CCSER1: variants seen among roughly 807,000 people sequenced by gnomAD.
CCSER1 encodes the protein coiled-coil serine rich protein 1.
A neutral mutation model predicts 82.0 loss-of-function variants in CCSER1; 41 were observed. The ratio of observed to expected loss-of-function variants is 0.50; its 90% confidence interval spans 0.39 to 0.65. The LOEUF (loss-of-function observed/expected upper bound fraction) is 0.65, where lower values mean the gene tolerates loss of function less well. CCSER1 is among the 30% of genes least tolerant of loss of function. The pLI, the probability that CCSER1 is intolerant of heterozygous loss-of-function variation, is 0.00. For missense variants in CCSER1, 1,119 were observed against 1,064.2 expected, an observed-to-expected ratio of 1.05 and a Z score of -0.72; for synonymous variants, 414 against 383.9, an observed-to-expected ratio of 1.08 and a Z score of -0.92.
At chr4:90,131,954 A>T (rs927887373) in intron 1 of CCSER1, among the ~76,000 whole-genome samples, 1 of 152,222 alleles carries the variant, frequency 6.6e-6, no homozygotes, top group African/African-American at 2.4e-5. Context: ...GAGCCTGTAC[A>T]TTCAATATGA....
intron 7 of CCSER1, among the ~76,000 whole-genome samples, chr4:90,769,324 G>A (rs770387340): frequency 6.6e-6 from 1 of 152,038 alleles, no homozygotes; most frequent in Non-Finnish European, 1.5e-5. Context: ...AACAAAGTGG[G>A]GAACAGAGAC....
intron 5 of CCSER1, among the ~76,000 whole-genome samples, chr4:90,577,587 G>A (rs1780909404): frequency 1.3e-5 from 2 of 151,996 alleles, no homozygotes; most frequent in Non-Finnish European, 2.9e-5. Flanking sequence ...AAAAAGAGTT[G>A]TTTATTTTTT....
chr4:90,171,996 G>A (rs1171230668), intron 1 of CCSER1, among the ~76,000 whole-genome samples: 1 of 151,842 alleles, frequency 6.6e-6, no homozygotes, highest in African/African-American at 2.4e-5. Context: ...ATAACACAGG[G>A]AAAGAAATTG....
At chr4:91,165,467 TCAGA>T (rs1387326870) in intron 10 of CCSER1, among the ~76,000 whole-genome samples, 1 of 152,182 alleles carries the variant, frequency 6.6e-6, no homozygotes, top group African/African-American at 2.4e-5. Context: ...TTCAGAACTG[TCAGA>T]CAGGGACGTT....
chr4:90,839,002 T>C, intron 8 of CCSER1: 1 of 1,612,756 alleles, frequency 6.2e-7, no homozygotes, highest in Non-Finnish European at 8.5e-7. Flanking sequence ...GCTTATCGAA[T>C]TTCTCGATCT....
rs180744603 is a variant in CCSER1, at chr4:90,134,417, G to A, written c.-42+6586G>A. 4.6e-5 allele frequency among the ~76,000 whole-genome samples: 7 copies of A among 152,232 alleles called. No homozygotes were observed. The East Asian group carries it at 1.4e-3, about 29-fold the overall frequency. ...TGGAGATGGAGGACCTGCAAGGCTG[G>A]TACTCCCATCTTCTTATTGCTATTT... On this transcript the variant is annotated intron_variant, in intron 1 of 10. Coordinates refer to ENST00000509176, the MANE Select transcript of CCSER1 (RefSeq NM_001145065.2).
rs1444861942 is a variant in CCSER1 at position 91,100,201 on chromosome 4, T to A, written c.2217+14207T>A. Among the ~76,000 whole-genome samples the A allele has an allele frequency of 2.1e-5, 3 of 142,290 alleles. No homozygotes were observed. The East Asian group carries it at 6.4e-4, about 30-fold the overall frequency. 93.3% of individuals were successfully genotyped at this position (142,290 alleles called of 152,430 possible). A position where few individuals can be genotyped will look rare whatever the true frequency, so the allele number is the denominator to read the frequency against. ...GAATTTGGGCAAGATAAAAAAAAAA[T>A]CAGTTTGGTCCTCATTATAAATCAA... is the stretch of plus-strand genomic sequence containing the variant. On this transcript the variant is annotated intron_variant, in intron 10 of 10. Coordinates refer to ENST00000509176, the MANE Select transcript of CCSER1 (RefSeq NM_001145065.2).
intron 3 of CCSER1, among the ~76,000 whole-genome samples, chr4:90,338,677 G>A (rs1001341328): frequency 7.2e-5 from 11 of 152,144 alleles, no homozygotes; most frequent in Non-Finnish European, 1.3e-4. Context: ...AAAAAATAAT[G>A]AAAATTTGTT....
intron 10 of CCSER1, among the ~76,000 whole-genome samples, chr4:91,552,579 T>C (rs544046150): frequency 4.0e-5 from 6 of 151,686 alleles, no homozygotes; most frequent in Admixed American, 1.3e-4. Context: ...GCCTTATATA[T>C]GACAAAAGGA....
At chr4:90,132,221 C>G (rs1323265810) in intron 1 of CCSER1, among the ~76,000 whole-genome samples, 1 of 152,086 alleles carries the variant, frequency 6.6e-6, no homozygotes, top group African/African-American at 2.4e-5. Flanking sequence ...TAATTGGTAC[C>G]TTTTGAATTT....
At chr4:91,172,199 A>G (rs1186697383) in intron 10 of CCSER1, among the ~76,000 whole-genome samples, 1 of 152,210 alleles carries the variant, frequency 6.6e-6, no homozygotes, top group Non-Finnish European at 1.5e-5. Context: ...AGAACTCTAG[A>G]TTCTATCATC....
At chr4:91,086,319 C>G (rs1469433821) in intron 10 of CCSER1, among the ~76,000 whole-genome samples, 1 of 152,058 alleles carries the variant, frequency 6.6e-6, no homozygotes, top group Non-Finnish European at 1.5e-5. Flanking sequence ...ATTTTTAAAA[C>G]TGACTTACTG....
Position 90,564,716 on chromosome 4 carries a change from G to A in CCSER1, c.1725-63309G>A, listed in dbSNP as rs72887409. On this transcript the variant is annotated intron_variant, in intron 5 of 10. Transcript: ENST00000509176. ...TTTTTTTTAATATGGTGTGAGATAA[G>A]AGTCTAATTCATTCTTCTTCATGTG... Among the ~76,000 whole-genome samples, 5 of 150,622 alleles carry A rather than the reference G, an allele frequency of 3.3e-5. No individual in the cohort carries two copies. In the South Asian group the frequency reaches 1.0e-3, roughly 32 times the overall value.
intron 1 of CCSER1, among the ~76,000 whole-genome samples, chr4:90,237,034 A>G (rs1453604398): frequency 6.6e-6 from 1 of 152,164 alleles, no homozygotes; most frequent in Non-Finnish European, 1.5e-5. Flanking sequence ...GTTTTGTTAT[A>G]TTTTGCGAGC....
At chr4:91,255,321 G>C (rs942868816) in intron 10 of CCSER1, among the ~76,000 whole-genome samples, 1 of 152,096 alleles carries the variant, frequency 6.6e-6, no homozygotes, top group Non-Finnish European at 1.5e-5. Flanking sequence ...TGTATTAAAA[G>C]TGCTTACAAT....
chr4:91,108,272 A>G (rs778592700), intron 10 of CCSER1, among the ~76,000 whole-genome samples: 1 of 152,216 alleles, frequency 6.6e-6, no homozygotes, highest in Non-Finnish European at 1.5e-5. Context: ...CAGGGATCAG[A>G]TAATATTCTG....
chr4:91,226,011 T>C (rs1017090713), intron 10 of CCSER1, among the ~76,000 whole-genome samples: 1 of 151,932 alleles, frequency 6.6e-6, no homozygotes. Flanking sequence ...AAATTCCTTT[T>C]TTTAAAATTA....
At chr4:91,399,686 A>G (rs927882797) in intron 10 of CCSER1, among the ~76,000 whole-genome samples, 1 of 151,766 alleles carries the variant, frequency 6.6e-6, no homozygotes, top group African/African-American at 2.4e-5. Context: ...TTCTTCTCCA[A>G]TTCTCTCTTC....
At chr4:90,993,550 A>T (rs1737227987) in intron 9 of CCSER1, among the ~76,000 whole-genome samples, 1 of 151,944 alleles carries the variant, frequency 6.6e-6, no homozygotes, top group South Asian at 2.1e-4. Flanking sequence ...TAGGTCTGCT[A>T]TAAGAAATAC....
Sources: allele counts gnomAD v4.1 joint callset (sites outside exome capture counted in the v4.1 genomes callset), GRCh38; gene constraint gnomAD v4.1.1; transcripts MANE v1.5; gene names NCBI Gene and HGNC (gene_info 2026-07-23, HGNC 2026-07-21).